The following CFAP47 variants were observed in gnomAD, a reference collection of about 807,000 sequenced individuals.
The protein encoded by CFAP47 is cilia- and flagella-associated protein 47.
Under a neutral mutation model 148.1 loss-of-function variants are expected in CFAP47, and 29 were observed. That is an observed-to-expected ratio of 0.20 (90% CI 0.15 to 0.27). CFAP47 has a LOEUF of 0.27. Ranked by LOEUF, CFAP47 falls within the 10% of genes least tolerant of loss-of-function variation. The pLI is 1.00. For synonymous variants in CFAP47, 664 were observed against 577.3 expected (o/e 1.15, Z -2.15); for missense variants, 1,872 against 1,697.5 (o/e 1.10, Z -1.81).
At chrX:36,138,155 C>T in intron 34 of CFAP47, 100 bp downstream of exon 34, 1 of 530,789 alleles carries the variant, frequency 1.9e-6, no homozygotes. Context: ...TTTCGAATGT[C>T]TTACATTCAA....
intron 39 of CFAP47, among the ~76,000 whole-genome samples, chrX:36,168,573 A>AT (rs200474258): frequency 0.024 from 2,574 of 108,979 alleles, 81 homozygotes; most frequent in African/African-American, 0.074. Flanking sequence ...TTTTACGCTT[A>AT]TTTTTTTTTG....
intron 10 of CFAP47, among the ~76,000 whole-genome samples, chrX:35,968,739 A>G (rs756410268): frequency 1.8e-5 from 2 of 110,875 alleles, no homozygotes; most frequent in Non-Finnish European, 3.8e-5. Context: ...TATTTTACAA[A>G]TTCCATCCAA....
intron 43 of CFAP47, among the ~76,000 whole-genome samples, 193 bp downstream of exon 43, chrX:36,200,686 T>C (rs961136828): frequency 1.8e-5 from 2 of 111,961 alleles, no homozygotes; most frequent in African/African-American, 6.5e-5. Flanking sequence ...ATTTCAATGG[T>C]GATTTTTTAA....
At chrX:36,032,784 C>T (rs970451496) in intron 23 of CFAP47, among the ~76,000 whole-genome samples, 1 of 110,804 alleles carries the variant, frequency 9.0e-6, no homozygotes, top group Non-Finnish European at 1.9e-5. Flanking sequence ...ACAAAAGATA[C>T]TTTGCTGACG....
chrX:36,003,967 C>CTTTTTTTTTTTT (rs761024902), intron 21 of CFAP47, among the ~76,000 whole-genome samples: 4 of 66,389 alleles, frequency 6.0e-5, no homozygotes, highest in African/African-American at 2.0e-4. Context: ...CTTTCTTTTT[C>CTTTTTTTTTTTT]TTTTTTTTTT....
chrX:36,379,602 T>C, intron 63 of CFAP47, 84 bp downstream of exon 63: 2 of 735,538 alleles, frequency 2.7e-6, no homozygotes, highest in Non-Finnish European at 4.0e-6. Context: ...TTTTACTACA[T>C]GGTGACAGAT....
At chrX:36,026,342 GATATAC>G (rs1196639176) in intron 22 of CFAP47, among the ~76,000 whole-genome samples, 3 of 111,235 alleles carry the variant, frequency 2.7e-5, no homozygotes, top group Non-Finnish European at 5.7e-5. Context: ...ATGATGTTTT[GATATAC>G]ATATACATAG....
intron 35 of CFAP47, among the ~76,000 whole-genome samples, chrX:36,143,459 C>A (rs889614393): frequency 8.9e-6 from 1 of 111,736 alleles, no homozygotes. Context: ...GGGCTCAGAT[C>A]GTGTTCAGTT....
intron 51 of CFAP47, among the ~76,000 whole-genome samples, chrX:36,287,472 TA>T (rs1306138390): frequency 7.1e-5 from 8 of 112,010 alleles, no homozygotes; most frequent in African/African-American, 2.6e-4. Flanking sequence ...AGTTATTTCA[TA>T]AATATACTTA....
chrX:36,373,830 A>G (rs1386092238), intron 62 of CFAP47, among the ~76,000 whole-genome samples: 1 of 112,123 alleles, frequency 8.9e-6, no homozygotes, highest in Non-Finnish European at 1.9e-5. Context: ...TGGGATGATC[A>G]TGTAGCTTTT....
rs371097136 is a variant in CFAP47 at position 36,136,775 on chromosome X, G to A, written c.5321-1183G>A. On this transcript the variant is annotated intron_variant, in intron 33 of 63. Coordinates refer to ENST00000378653, the MANE Select transcript of CFAP47 (RefSeq NM_001304548.2). ...GGACAAAAAAGAGAAGCACATGTAG[G>A]TTATCATTATTCAGCCAACTGAATT... is the stretch of plus-strand genomic sequence containing the variant. Among the ~76,000 whole-genome samples the A allele has an allele frequency of 1.4e-4, 16 of 111,535 alleles. No homozygotes were observed. The East Asian group carries it at 3.7e-3, about 26-fold the overall frequency.
At chrX:36,054,371 G>A (rs1937537455) in intron 26 of CFAP47, among the ~76,000 whole-genome samples, 1 of 111,793 alleles carries the variant, frequency 8.9e-6, no homozygotes, top group South Asian at 3.7e-4. Flanking sequence ...GCTTACAAAG[G>A]GTGTTATTAG....
chrX:36,161,944 A>G (rs898450790), intron 39 of CFAP47, among the ~76,000 whole-genome samples: 3 of 112,328 alleles, frequency 2.7e-5, no homozygotes, highest in Admixed American at 9.5e-5. Flanking sequence ...TAAGAAACAC[A>G]AAATTTTAGA....
chrX:36,059,094 T>C (rs1316013145), intron 26 of CFAP47, among the ~76,000 whole-genome samples: 1 of 112,232 alleles, frequency 8.9e-6, no homozygotes, highest in Non-Finnish European at 1.9e-5. Flanking sequence ...CTTCAACTTT[T>C]AAGGCCAGTT....
intron 36 of CFAP47, among the ~76,000 whole-genome samples, chrX:36,146,035 A>G (rs1939228665): frequency 9.0e-6 from 1 of 111,512 alleles, no homozygotes; most frequent in Non-Finnish European, 1.9e-5. Flanking sequence ...TGTCAAAAAA[A>G]AAGACATAAA....
At chrX:36,379,645 C>A (rs1315511829) in intron 63 of CFAP47, 127 bp downstream of exon 63, 1 of 520,719 alleles carries the variant, frequency 1.9e-6, no homozygotes, top group Admixed American at 3.7e-5. Flanking sequence ...CAAAAATCAA[C>A]TTATCTCAAC....
intron 30 of CFAP47, among the ~76,000 whole-genome samples, chrX:36,093,652 T>G (rs1301015270): frequency 4.5e-5 from 5 of 110,800 alleles, no homozygotes; most frequent in Admixed American, 3.8e-4. Context: ...AAAAATGGTG[T>G]GAGTTGATTG....
chrX:36,383,832 G>A (rs782048709), intron 63 of CFAP47, among the ~76,000 whole-genome samples: 1 of 111,611 alleles, frequency 9.0e-6, no homozygotes, highest in African/African-American at 3.3e-5. Flanking sequence ...CTGAGTATAC[G>A]TGGTGTAAAT....
At chrX:36,162,913 C>G in intron 39 of CFAP47, among the ~76,000 whole-genome samples, 1 of 111,676 alleles carries the variant, frequency 9.0e-6, no homozygotes, top group Non-Finnish European at 1.9e-5. Context: ...TTAATATTAA[C>G]CTTATAGAAT....
Sources: allele counts gnomAD v4.1 joint callset (sites outside exome capture counted in the v4.1 genomes callset), GRCh38; gene constraint gnomAD v4.1.1; transcripts MANE v1.5; gene names NCBI Gene and HGNC (gene_info 2026-07-23, HGNC 2026-07-21).